DOCK9: variants seen among roughly 807,000 people sequenced by gnomAD.
DOCK9 encodes the protein dedicator of cytokinesis protein 9.
DOCK9 carries 89 observed loss-of-function variants against 263.3 expected under a neutral mutation model. The observed-to-expected ratio is 0.34, with a 90% CI of 0.28 to 0.40. The LOEUF is 0.40. Among genes scored for constraint, DOCK9 ranks in the 10% least tolerant of loss-of-function variants. DOCK9 has a pLI of 1.00. For synonymous variants in DOCK9, 976 were observed against 973.1 expected (o/e 1.00, Z -0.06); for missense variants, 2,140 against 2,603.4 (o/e 0.82, Z 3.87).
At chr13:98,845,861 C>G (rs2093373664) in intron 38 of DOCK9, 63 bp downstream of exon 38, 4 of 1,585,438 alleles carry the variant, frequency 2.5e-6, no homozygotes, top group Non-Finnish European at 3.4e-6. Flanking sequence ...TGGCCTAGGG[C>G]TCTCCCCTCT....
In DOCK9 at chr13:98,795,132, C is replaced by T. The variant is rs150377468; in HGVS notation, c.6157-384G>A. Among the ~76,000 whole-genome samples, 190 of 152,302 alleles carry T rather than the reference C, an allele frequency of 1.2e-3. 2 individuals carry two copies. The highest frequency in any genetic ancestry group is 8.5e-3 in the East Asian group (44 of 5,182). On this transcript the variant is annotated intron_variant, in intron 52 of 52. Transcript: ENST00000682017. ...AAGCTAGTGAATGGAGAGCCTTCTA[C>T]GCTCACCAGATCATAAGGCAACGTG... is the stretch of plus-strand genomic sequence containing the variant.
At chr13:98,897,249 T>G (rs2047581939) in intron 15 of DOCK9, among the ~76,000 whole-genome samples, 1 of 152,178 alleles carries the variant, frequency 6.6e-6, no homozygotes, top group Non-Finnish European at 1.5e-5. Context: ...GGCTCATCCT[T>G]ACCCAGTCCA....
chr13:99,058,984 C>T (rs542513033), intron 1 of DOCK9, among the ~76,000 whole-genome samples: 1 of 152,184 alleles, frequency 6.6e-6, no homozygotes, highest in Non-Finnish European at 1.5e-5. Context: ...TTCCCTGACA[C>T]CTGACCTCCT....
rs556370181 is a variant in DOCK9, at chr13:98,956,849, C to T, written c.127-1298G>A. Among the ~76,000 whole-genome samples the T allele has an allele frequency of 5.3e-5, 8 of 152,222 alleles. No individual in the cohort carries two copies. In the East Asian group the frequency reaches 9.6e-4, roughly 18 times the overall value. On this transcript the variant is annotated intron_variant, in intron 1 of 52. Transcript: ENST00000682017. ...CTGATATATACAATCTCAATAAATG[C>T]TTTATATATTAAAATGACAATTTTT...
chr13:98,904,065 T>C (rs1321292097), intron 10 of DOCK9, among the ~76,000 whole-genome samples: 8 of 152,176 alleles, frequency 5.3e-5, no homozygotes, highest in Non-Finnish European at 1.2e-4. Flanking sequence ...TGTACAACAA[T>C]GAGAATGTAT....
intron 1 of DOCK9, among the ~76,000 whole-genome samples, chr13:98,992,323 G>C (rs74755691): frequency 0.016 from 2,398 of 152,218 alleles, 65 homozygotes; most frequent in African/African-American, 0.054. Flanking sequence ...AGAAGACCCA[G>C]ATGGTCTATG....
Position 98,904,673 on chromosome 13 carries a change from C to T in DOCK9, c.994G>A (p.Glu332Lys), listed in dbSNP as rs1242310660. ...AAATAAAAAAGTTTGACTCTGCTTT[C>T]ACTTTTCAGTTTGATTTCTGCTTCT... ...AREAEIKLKS[E>K]SRVKLFYLDP... The change falls in exon 10 of 53, where the codon GAA (glutamate) becomes AAA (lysine). Residue 332 changes from glutamate (E) to lysine (K), a missense_variant. By Grantham distance (56) the Glu-to-Lys change is moderately conservative (BLOSUM62 1). Coordinates refer to ENST00000682017, the MANE Select transcript of DOCK9 (RefSeq NM_001366683.2). 1.3e-6 allele frequency: 2 copies of T among 1,557,732 alleles called. No homozygotes were observed. Among genetic ancestry groups the T allele is most frequent in the Non-Finnish European group, 1.7e-6 (2 of 1,149,550 alleles).
At chr13:98,856,156 G>T in intron 33 of DOCK9, 125 bp from the exon 34 acceptor site, 2 of 969,496 alleles carry the variant, frequency 2.1e-6, no homozygotes, top group Non-Finnish European at 3.0e-6. Context: ...TGGCTCAAGA[G>T]TTGCATTCCA....
At chr13:98,947,718 C>T (rs1275129110) in intron 2 of DOCK9, among the ~76,000 whole-genome samples, 1 of 152,118 alleles carries the variant, frequency 6.6e-6, no homozygotes, top group Admixed American at 6.5e-5. Context: ...GTTGGCCAGG[C>T]TGGTCTCAAA....
At chr13:98,818,436 A>T (rs1426667121) in intron 45 of DOCK9, among the ~76,000 whole-genome samples, 2 of 152,164 alleles carry the variant, frequency 1.3e-5, no homozygotes, top group Non-Finnish European at 2.9e-5. Context: ...TGCACCTGAA[A>T]ACCAGAACAA....
intron 1 of DOCK9, among the ~76,000 whole-genome samples, chr13:98,961,336 T>C (rs2058618556): frequency 1.3e-5 from 2 of 152,218 alleles, no homozygotes; most frequent in Admixed American, 6.5e-5. Flanking sequence ...CAATGTTGCG[T>C]CCACTGTTTC....
At chr13:99,010,506 C>T (rs1369304131) in intron 1 of DOCK9, among the ~76,000 whole-genome samples, 2 of 152,204 alleles carry the variant, frequency 1.3e-5, no homozygotes, top group African/African-American at 4.8e-5. Context: ...TTTTTGTACA[C>T]TCAGCACACA....
chr13:98,915,389 T>A lies in DOCK9; in HGVS notation c.832A>T (p.Ile278Phe). 1 of 1,613,968 alleles carries A rather than the reference T, an allele frequency of 6.2e-7. No individual in the cohort carries two copies. Among genetic ancestry groups the A allele is most frequent in the East Asian group, 2.2e-5 (1 of 44,882 alleles). ...MEEWITILNK[I>F]LQLNFEAAMQ... ...GCAGCTTCAAAGTTGAGCTGGAGGA[T>A]CTTATTTAGAATTGTGATCCATTCT... The change falls in exon 8 of 53, where the codon ATC becomes TTC. Residue 278 changes from isoleucine (I) to phenylalanine (F), a missense_variant. This residue lies in a region of DOCK9 where 1,521 missense variants were observed against 1,741.7 expected (regional missense o/e 0.87). Coordinates refer to ENST00000682017, the MANE Select transcript of DOCK9 (RefSeq NM_001366683.2).
At position 98,922,195 on chromosome 13, in the gene DOCK9, GT is replaced by G. The variant is rs770616390; in HGVS notation, c.487-50del. 9.1e-6 allele frequency: 13 copies of G among 1,432,796 alleles called. No individual in the cohort carries two copies. The Admixed American group carries it at 2.4e-4, about 26-fold the overall frequency. 88.8% of individuals were successfully genotyped at this position (1,432,796 alleles called of 1,614,324 possible). On this transcript the variant is annotated intron_variant, in intron 5 of 52. Transcript: ENST00000682017. ...CAGTCAACCTCCCGTTATTACCTGG[GT>G]TGCTTGCTGTGAGTTTGGTCAATGG...
chr13:99,036,814 A>G (rs901662281), intron 1 of DOCK9, among the ~76,000 whole-genome samples: 11 of 152,206 alleles, frequency 7.2e-5, no homozygotes, highest in African/African-American at 1.9e-4. Flanking sequence ...CTGGGATTAC[A>G]GGTGTGATCC....
In DOCK9 at chr13:99,002,182, C is replaced by T. The variant is rs150767117; in HGVS notation, c.130-46631G>A. On this transcript the variant is annotated intron_variant, in intron 1 of 32. Coordinates refer to the DOCK9 transcript ENST00000427887. ...CTAGTTTGACCCTTTCCCTTCATCC[C>T]CTTGGTCGCAGGGTTTGTGTGGGGG... is the stretch of plus-strand genomic sequence containing the variant. 5.5e-3 allele frequency among the ~76,000 whole-genome samples: 834 copies of T among 152,282 alleles called. 4 individuals carry two copies. Among genetic ancestry groups the T allele is most frequent in the Non-Finnish European group, 8.3e-3 (563 of 68,020 alleles).
At position 98,800,426 on chromosome 13, in the gene DOCK9, G is replaced by A. The variant is rs576995379; in HGVS notation, c.5778C>T (p.His1926=). The A allele has an allele frequency of 6.2e-7, 1 of 1,614,020 alleles. No homozygotes were observed. Among genetic ancestry groups the A allele is most frequent in the Middle Eastern group, 1.6e-4 (1 of 6,062 alleles). ...VKKRIPVMYQ[H]HTDLNPIEVA... is the part of the protein sequence containing the mutation. ...CCTCGATGGGGTTCAGGTCAGTGTG[G>A]TGCTGGTACATGACAGGGATGCGCT... The change falls in exon 50 of 53, where the codon CAC becomes CAT. Residue 1926 remains histidine (H), a synonymous_variant. Transcript: ENST00000682017.
intron 1 of DOCK9, among the ~76,000 whole-genome samples, chr13:98,999,478 A>C (rs1319016800): frequency 6.6e-6 from 1 of 152,186 alleles, no homozygotes; most frequent in African/African-American, 2.4e-5. Context: ...TTTCCAGATC[A>C]TCTGGCCTTC....
chr13:98,872,446 G>A (rs748576432), intron 27 of DOCK9, among the ~76,000 whole-genome samples: 31 of 151,026 alleles, frequency 2.1e-4, no homozygotes, highest in African/African-American at 6.8e-4. Context: ...TCACTCTGTC[G>A]CCCAGGCTGG....
Sources: gnomAD v4.1 joint callset for allele counts (sites outside exome capture counted in the v4.1 genomes callset) on GRCh38, gnomAD v4.1.1 for gene constraint, gnomAD v4.1.1 regional missense constraint, MANE v1.5 for transcripts, NCBI Gene and HGNC (gene_info 2026-07-23, HGNC 2026-07-21) for gene names.